MEIKIN: variants seen among roughly 807,000 people sequenced by gnomAD.
The protein encoded by MEIKIN is meiosis-specific kinetochore protein.
rs985640516 is a variant in MEIKIN, at chr5:131,911,725, T to A, written c.703+90A>T. On this transcript the variant is annotated intron_variant, in intron 8 of 12. Transcript: ENST00000442687. The stretch of plus-strand genomic sequence containing the variant: ...CTGGGCTACTAACTTTGTTAATGCA[T>A]GTTGCAGGTAGCAAAAATAAACACA... 1.5e-5 allele frequency: 6 copies of A among 389,762 alleles called. No homozygotes were observed. The South Asian group carries it at 7.0e-4, about 46-fold the overall frequency. The allele number at this position is 389,762 out of a possible 1,614,324, so 24.1% of individuals were successfully genotyped here.
At chr5:131,831,653 T>C (rs2149607034) in intron 11 of MEIKIN, among the ~76,000 whole-genome samples, 1 of 152,262 alleles carries the variant, frequency 6.6e-6, no homozygotes, top group East Asian at 1.9e-4. Context: ...ATTGTAACTG[T>C]ATTAGTCTGT....
At chr5:131,931,899 C>G (rs1726807652) in intron 5 of MEIKIN, among the ~76,000 whole-genome samples, 1 of 152,074 alleles carries the variant, frequency 6.6e-6, no homozygotes, top group Admixed American at 6.6e-5. Flanking sequence ...TGATCCTTGG[C>G]TCTCTGTTCA....
intron 8 of MEIKIN, among the ~76,000 whole-genome samples, chr5:131,888,396 G>T (rs564653161): frequency 6.6e-6 from 1 of 151,310 alleles, no homozygotes; most frequent in Admixed American, 6.6e-5. Flanking sequence ...TTTAATGATC[G>T]CCATTCTAAC....
chr5:131,925,760 C>A lies in MEIKIN; in HGVS notation c.479-3819G>T, dbSNP rs1046504130. 9.2e-5 allele frequency among the ~76,000 whole-genome samples: 14 copies of A among 152,206 alleles called. No homozygotes were observed. The East Asian group carries it at 2.7e-3, about 29-fold the overall frequency. On this transcript the variant is annotated intron_variant, in intron 5 of 12. Coordinates refer to ENST00000442687, the MANE Select transcript of MEIKIN (RefSeq NM_001303622.2). ...CCCGGCCCACTGCAACCTCTGCCTC[C>A]CAGGTTAAAGTGATTCTCCTGCCTC...
intron 8 of MEIKIN, among the ~76,000 whole-genome samples, chr5:131,908,647 T>G (rs1415722835): frequency 6.6e-6 from 1 of 152,298 alleles, no homozygotes; most frequent in East Asian, 1.9e-4. Context: ...TATCTTTGTT[T>G]GCAGATGACA....
intron 8 of MEIKIN, among the ~76,000 whole-genome samples, chr5:131,904,998 TA>T (rs1751220170): frequency 6.6e-6 from 1 of 151,650 alleles, no homozygotes. Flanking sequence ...GGTTGGAGGA[TA>T]GGGGAGGAAT....
chr5:131,821,913 C>T (rs1180758362), intron 11 of MEIKIN, among the ~76,000 whole-genome samples: 1 of 152,010 alleles, frequency 6.6e-6, no homozygotes, highest in Non-Finnish European at 1.5e-5. Context: ...ACATGAGCCA[C>T]CACACCCAGC....
intron 8 of MEIKIN, among the ~76,000 whole-genome samples, chr5:131,890,996 G>C (rs1229079956): frequency 2.6e-5 from 4 of 152,184 alleles, no homozygotes; most frequent in Admixed American, 1.3e-4. Context: ...TTCAGGAGCA[G>C]GTTGTTCAGT....
intron 6 of MEIKIN, among the ~76,000 whole-genome samples, chr5:131,920,469 T>C (rs1164567397): frequency 6.6e-6 from 1 of 152,230 alleles, no homozygotes; most frequent in Non-Finnish European, 1.5e-5. Flanking sequence ...TCTCAAACTA[T>C]CTTTTTGTAG....
chr5:131,876,699 A>C (rs1332829343), intron 9 of MEIKIN, among the ~76,000 whole-genome samples: 2 of 151,786 alleles, frequency 1.3e-5, no homozygotes, highest in Non-Finnish European at 2.9e-5. Context: ...ATGCACACGT[A>C]TGTTTATTGA....
chr5:131,836,056 C>T (rs1749800783), intron 11 of MEIKIN, among the ~76,000 whole-genome samples: 2 of 152,146 alleles, frequency 1.3e-5, no homozygotes, highest in East Asian at 1.9e-4. Context: ...CTCCCACTCT[C>T]CACCCTTTAA....
At chr5:131,844,248 CAG>C in intron 11 of MEIKIN, among the ~76,000 whole-genome samples, 1 of 152,262 alleles carries the variant, frequency 6.6e-6, no homozygotes, top group East Asian at 1.9e-4. Context: ...GGAGAGGACA[CAG>C]AGCCAATCTA....
Position 131,928,069 on chromosome 5 carries a change from G to A in MEIKIN, c.478+5444C>T, listed in dbSNP as rs188043363. Among the ~76,000 whole-genome samples the A allele has an allele frequency of 7.5e-3, 1,130 of 151,292 alleles. 14 individuals are homozygous for A. The highest frequency in any genetic ancestry group is 0.026 in the African/African-American group (1,055 of 41,052). ...TGAGGCAGGAGAATGGCATGAACCC[G>A]GGAGGCGGAGCTTGCAGTGAGTTGA... On this transcript the variant is annotated intron_variant, in intron 5 of 12. Transcript: ENST00000442687.
At chr5:131,927,959 C>T (rs1041647886) in intron 5 of MEIKIN, among the ~76,000 whole-genome samples, 3 of 151,866 alleles carry the variant, frequency 2.0e-5, no homozygotes, top group Non-Finnish European at 4.4e-5. Flanking sequence ...TCCTGGCTAA[C>T]ACGGTGAAAC....
At chr5:131,924,982 T>G (rs1378663920) in intron 5 of MEIKIN, among the ~76,000 whole-genome samples, 1 of 152,226 alleles carries the variant, frequency 6.6e-6, no homozygotes, top group African/African-American at 2.4e-5. Flanking sequence ...TAATCCAATT[T>G]GAATTAATTT....
intron 6 of MEIKIN, among the ~76,000 whole-genome samples, chr5:131,920,190 G>A (rs962184712): frequency 1.3e-5 from 2 of 152,128 alleles, no homozygotes; most frequent in East Asian, 1.9e-4. Flanking sequence ...ATAAATAAAT[G>A]AACGAATGAT....
chr5:131,845,551 C>CA (rs1363254829), intron 11 of MEIKIN, among the ~76,000 whole-genome samples: 3 of 148,512 alleles, frequency 2.0e-5, no homozygotes, highest in African/African-American at 5.0e-5. Context: ...GAAAAAAAGT[C>CA]AAAAAAACTA....
intron 12 of MEIKIN, among the ~76,000 whole-genome samples, chr5:131,817,476 C>T (rs1337646589): frequency 1.3e-5 from 2 of 151,704 alleles, no homozygotes; most frequent in Non-Finnish European, 1.5e-5. Flanking sequence ...ATTAGCCGGG[C>T]GTGGTGGCGG....
In MEIKIN at chr5:131,828,411, C is replaced by T. The variant is rs535529598; in HGVS notation, c.976-9548G>A. 1.1e-4 allele frequency among the ~76,000 whole-genome samples: 17 copies of T among 152,198 alleles called. No homozygotes were observed. In the South Asian group the frequency reaches 3.5e-3, roughly 32 times the overall value. On this transcript the variant is annotated intron_variant, in intron 11 of 12. Coordinates refer to ENST00000442687, the MANE Select transcript of MEIKIN (RefSeq NM_001303622.2). ...CTCCTGAGCTCAAGCGATTTGCCTG[C>T]CTTTGACCTCCCAAAGTGCTGGGAT...
Sources: allele counts gnomAD v4.1 joint callset (sites outside exome capture counted in the v4.1 genomes callset), GRCh38; gene constraint gnomAD v4.1.1; transcripts MANE v1.5; gene names NCBI Gene and HGNC (gene_info 2026-07-23, HGNC 2026-07-21).